ANO3: variants seen among roughly 807,000 people sequenced by gnomAD.
The protein encoded by ANO3 is anoctamin-3.
Under a neutral mutation model 144.8 loss-of-function variants are expected in ANO3, and 99 were observed. The observed-to-expected ratio is 0.68, with a 90% CI of 0.58 to 0.81. ANO3 has a LOEUF of 0.81. Among genes scored for constraint, ANO3 ranks in the 30% least tolerant of loss-of-function variants. The probability of loss-of-function intolerance (pLI) is 0.00; values close to 1 mark genes in which losing one functional copy is unlikely to be tolerated. For missense variants in ANO3, 905 were observed against 1,202.2 expected (o/e 0.75, Z 3.66); for synonymous variants, 414 against 392.6 (o/e 1.05, Z -0.64).
intron 1 of ANO3, among the ~76,000 whole-genome samples, chr11:26,378,435 C>CTATCATCT (rs1554946635): frequency 1.0e-4 from 15 of 142,932 alleles, no homozygotes; most frequent in African/African-American, 2.8e-4. Context: ...ATCTATCTAT[C>CTATCATCT]ATCTATCTAT....
intron 1 of ANO3, among the ~76,000 whole-genome samples, chr11:26,358,588 T>C (rs1855847558): frequency 6.6e-6 from 1 of 152,158 alleles, no homozygotes; most frequent in East Asian, 1.9e-4. Context: ...ATTTTTTACT[T>C]TTATAATTTT....
At chr11:26,514,874 A>AAAG (rs1383384210) in intron 5 of ANO3, among the ~76,000 whole-genome samples, 1 of 152,098 alleles carries the variant, frequency 6.6e-6, no homozygotes, top group Non-Finnish European at 1.5e-5. Context: ...CCTTCACAAA[A>AAAG]ACCTTTTCAC....
At chr11:26,459,478 A>T (rs1352814918) in intron 3 of ANO3, among the ~76,000 whole-genome samples, 1 of 152,034 alleles carries the variant, frequency 6.6e-6, no homozygotes, top group Non-Finnish European at 1.5e-5. Context: ...TGGGCATTTA[A>T]ATCCAGTTAG....
intron 1 of ANO3, among the ~76,000 whole-genome samples, chr11:26,379,064 C>A (rs1590309583): frequency 6.6e-6 from 1 of 150,524 alleles, no homozygotes; most frequent in Admixed American, 6.6e-5. Context: ...TTAGAATGTC[C>A]ATACAGAAAG....
intron 1 of ANO3, chr11:26,287,333 G>T (rs1853831780): frequency 6.6e-6 from 1 of 152,130 alleles, no homozygotes; most frequent in South Asian, 2.1e-4. Flanking sequence ...CTTACCATGT[G>T]CCAAGCAGTG....
At position 26,598,920 on chromosome 11, in the gene ANO3, G is replaced by C; in HGVS notation, c.1593G>C (p.Thr531=). 2 of 1,613,894 alleles carry C rather than the reference G, an allele frequency of 1.2e-6. No individual in the cohort carries two copies. The highest frequency in any genetic ancestry group is 1.7e-6 in the Non-Finnish European group (2 of 1,179,926). The change falls in exon 16 of 27, where the codon ACG becomes ACC. Residue 531 remains threonine (T), a synonymous_variant. Transcript: ENST00000256737. ...AGATGGAGATTGTAAATCCCATCACGGGAAAACCTGAACCACATCAGCCTT... is the reference window on the plus strand; with the variant it reads ...AGATGGAGATTGTAAATCCCATCACCGGAAAACCTGAACCACATCAGCCTT... The part of the protein sequence containing the change: ...YYKMEIVNPI[T]GKPEPHQPSS...
chr11:26,429,181 C>T (rs1437322684), intron 1 of ANO3, among the ~76,000 whole-genome samples: 1 of 152,152 alleles, frequency 6.6e-6, no homozygotes, highest in Non-Finnish European at 1.5e-5. Flanking sequence ...GGTGCTACTG[C>T]TGCTGACCAC....
chr11:26,490,658 C>T (rs934526365), intron 4 of ANO3, among the ~76,000 whole-genome samples: 2 of 152,134 alleles, frequency 1.3e-5, no homozygotes, highest in Non-Finnish European at 2.9e-5. Flanking sequence ...GGCCAAGAGC[C>T]CTGTGATTTC....
At chr11:26,235,601 T>G (rs1190340987) in intron 1 of ANO3, among the ~76,000 whole-genome samples, 2 of 147,282 alleles carry the variant, frequency 1.4e-5, no homozygotes, top group Non-Finnish European at 3.0e-5. Context: ...ATACTTTTTT[T>G]TTTTTTTTTT....
intron 1 of ANO3, among the ~76,000 whole-genome samples, chr11:26,236,629 T>C (rs1429664589): frequency 3.9e-4 from 59 of 151,856 alleles, no homozygotes; most frequent in Non-Finnish European, 3.7e-4. Flanking sequence ...CCATCCTGGC[T>C]AACACAGTGA....
chr11:26,324,195 T>C (rs1309337368), intron 1 of ANO3, among the ~76,000 whole-genome samples: 1 of 152,086 alleles, frequency 6.6e-6, no homozygotes, highest in Non-Finnish European at 1.5e-5. Flanking sequence ...AAAAGAAAAA[T>C]CTGGCAATGA....
chr11:26,378,380 CTA>C (rs1161646946), intron 1 of ANO3, among the ~76,000 whole-genome samples: 1 of 145,664 alleles, frequency 6.9e-6, no homozygotes, highest in Non-Finnish European at 1.5e-5. Context: ...ATCTATATAT[CTA>C]TATATAATCT....
rs562032236 is a variant in ANO3 at position 26,290,073 on chromosome 11, T to G, written c.155-19572T>G. ...TTTTAGTTGGTAGGCTATTAATTAT[T>G]GCCCCAATTTCAGAGCCTGTTATTG... On this transcript the variant is annotated intron_variant, in intron 1 of 27. Transcript: ENST00000672621. 1.0e-3 allele frequency among the ~76,000 whole-genome samples: 158 copies of G among 152,222 alleles called. 1 individual carries two copies. The highest frequency in any genetic ancestry group is 3.7e-3 in the African/African-American group (155 of 41,534).
chr11:26,286,429 C>A (rs1321385032), intron 1 of ANO3, among the ~76,000 whole-genome samples: 1 of 152,172 alleles, frequency 6.6e-6, no homozygotes, highest in Non-Finnish European at 1.5e-5. Flanking sequence ...CCAGTTAAGT[C>A]AGAATTATTT....
rs1446320624 is a variant in ANO3 at position 26,627,424 on chromosome 11, T to C, written c.1873+2926T>C. Among the ~76,000 whole-genome samples the C allele has an allele frequency of 2.0e-5, 3 of 151,970 alleles. 1 individual carries two copies. The highest frequency in any genetic ancestry group is 2.0e-4 in the Admixed American group (3 of 15,234). ...ATAATAGTTCCTATTTCACCATTGT[T>C]GTAGATTGGCTGCCTGACACATGAC... On this transcript the variant is annotated intron_variant, in intron 18 of 26. Transcript: ENST00000256737.
chr11:26,255,533 A>C (rs1008122600), intron 1 of ANO3, among the ~76,000 whole-genome samples: 1 of 152,080 alleles, frequency 6.6e-6, no homozygotes, highest in African/African-American at 2.4e-5. Context: ...TACTACCTTT[A>C]ATTTACCTTG....
intron 17 of ANO3, among the ~76,000 whole-genome samples, chr11:26,623,826 G>T (rs990995649): frequency 6.6e-6 from 1 of 150,870 alleles, no homozygotes. Context: ...TCTCACTCTC[G>T]CCCAGGCTGG....
intron 5 of ANO3, among the ~76,000 whole-genome samples, chr11:26,513,108 C>G (rs913316048): frequency 4.6e-5 from 7 of 151,930 alleles, no homozygotes; most frequent in African/African-American, 1.5e-4. Flanking sequence ...CAAGAACCGA[C>G]AAGAACTAGC....
At chr11:26,639,045 G>A (rs1305959922) in intron 20 of ANO3, 99 bp from the exon 21 acceptor site, 2 of 775,572 alleles carry the variant, frequency 2.6e-6, no homozygotes, top group Admixed American at 4.0e-5. Context: ...GAGATGGTGT[G>A]ACCCAGCTTT....
Sources: gnomAD v4.1 joint callset for allele counts (sites outside exome capture counted in the v4.1 genomes callset) on GRCh38, gnomAD v4.1.1 for gene constraint, MANE v1.5 for transcripts, NCBI Gene and HGNC (gene_info 2026-07-23, HGNC 2026-07-21) for gene names.